NXPE4: variants seen among roughly 807,000 people sequenced by gnomAD.
NXPE4 encodes NXPE family member 4.
A neutral mutation model predicts 33.3 loss-of-function variants in NXPE4; 42 were observed. That is an observed-to-expected ratio of 1.26 (90% CI 0.98 to 1.63). The LOEUF (loss-of-function observed/expected upper bound fraction) is 1.63. Among genes scored for constraint, NXPE4 ranks in the 40% most tolerant of loss-of-function variants. The pLI is 0.00. For synonymous variants in NXPE4, 253 were observed against 234.9 expected, an observed-to-expected ratio of 1.08 and a Z score of -0.71; for missense variants, 709 against 647.6, an observed-to-expected ratio of 1.09 and a Z score of -1.03.
chr11:114,597,082 A>G (rs1276553820), upstream of NXPE4, among the ~76,000 whole-genome samples: 1 of 147,442 alleles, frequency 6.8e-6, no homozygotes, highest in Non-Finnish European at 1.5e-5. Context: ...AAGTCTTTAT[A>G]CCATGTGTGA....
the NXPE4 span, among the ~76,000 whole-genome samples, chr11:114,648,275 C>T: frequency 1.3e-5 from 2 of 152,002 alleles, no homozygotes; most frequent in African/African-American, 4.8e-5. Context: ...ACCAGGAGAG[C>T]CAATGGTGTA....
At chr11:114,677,398 A>G in the NXPE4 span, among the ~76,000 whole-genome samples, 1 of 152,068 alleles carries the variant, frequency 6.6e-6, no homozygotes, top group African/African-American at 2.4e-5. Context: ...AAACACATAC[A>G]TTTTTTATTT....
chr11:114,611,251 T>C, the NXPE4 span, among the ~76,000 whole-genome samples: 1 of 151,804 alleles, frequency 6.6e-6, no homozygotes, highest in Non-Finnish European at 1.5e-5. Flanking sequence ...TAATAGGTAT[T>C]GCTTCTAGGG....
chr11:114,599,261 G>A (rs2886654), upstream of NXPE4, among the ~76,000 whole-genome samples: 37,488 of 151,942 alleles, frequency 0.25, 5,553 homozygotes, highest in Middle Eastern at 0.35. Flanking sequence ...CCTTTACTCC[G>A]ATTCCCAGTA....
chr11:114,660,277 C>A, the NXPE4 span, among the ~76,000 whole-genome samples: 3 of 151,896 alleles, frequency 2.0e-5, no homozygotes, highest in Non-Finnish European at 4.4e-5. Context: ...AAAATAGAAG[C>A]ACTTTGCAAT....
At position 114,583,015 on chromosome 11, in the gene NXPE4, A is replaced by G. The variant is rs761351977; in HGVS notation, c.103T>C (p.Ser35Pro). The change falls in exon 3 of 6, where the codon TCT becomes CCT. Residue 35 changes from serine (S) to proline (P), a missense_variant. Transcript: ENST00000375478. ...TVFQNSTKVW[S>P]ALNLSISLHY... ...AGGGAGATGGATAAGTTTAGAGCAG[A>G]CCAAACCTGAAATGACAGCAAATGT... 2.7e-5 allele frequency: 44 copies of G among 1,605,856 alleles called. No homozygotes were observed. The highest frequency in any genetic ancestry group is 1.0e-4 in the South Asian group (9 of 90,276).
At chr11:114,666,947 A>G in the NXPE4 span, among the ~76,000 whole-genome samples, 3 of 152,136 alleles carry the variant, frequency 2.0e-5, no homozygotes, top group Non-Finnish European at 4.4e-5. Context: ...ACACATCCAC[A>G]CACATATGTC....
At chr11:114,617,991 C>T in the NXPE4 span, among the ~76,000 whole-genome samples, 5 of 151,976 alleles carry the variant, frequency 3.3e-5, no homozygotes, top group African/African-American at 9.6e-5. Context: ...AGTGTTGCCT[C>T]GTGGGTAACC....
At chr11:114,669,790 A>C in the NXPE4 span, among the ~76,000 whole-genome samples, 2 of 152,090 alleles carry the variant, frequency 1.3e-5, no homozygotes, top group African/African-American at 2.4e-5. Flanking sequence ...AGTCCTAAAA[A>C]AAACTCTTCC....
chr11:114,592,514 A>AACACACAC (rs144805587), intron 2 of NXPE4, among the ~76,000 whole-genome samples: 6 of 151,084 alleles, frequency 4.0e-5, no homozygotes, highest in African/African-American at 1.5e-4. Flanking sequence ...GAAATTGGAG[A>AACACACAC]ACACACACAC....
chr11:114,598,080 A>C (rs1260900290), upstream of NXPE4, among the ~76,000 whole-genome samples: 1 of 152,170 alleles, frequency 6.6e-6, no homozygotes, highest in Non-Finnish European at 1.5e-5. Context: ...GCATTGGGTA[A>C]ATGTAAAAAA....
chr11:114,572,367 G>T (rs1451072357), intron 5 of NXPE4, among the ~76,000 whole-genome samples: 6 of 152,068 alleles, frequency 3.9e-5, no homozygotes, highest in South Asian at 4.1e-4. Context: ...AAACCAAGAA[G>T]AAATCTCTGA....
At chr11:114,643,731 G>C in the NXPE4 span, among the ~76,000 whole-genome samples, 3 of 151,692 alleles carry the variant, frequency 2.0e-5, no homozygotes, top group African/African-American at 7.3e-5. Context: ...AGATTGTCTT[G>C]GCTATATGGG....
the NXPE4 span, among the ~76,000 whole-genome samples, chr11:114,631,837 C>G: frequency 1.3e-5 from 2 of 150,318 alleles, no homozygotes; most frequent in Non-Finnish European, 3.0e-5. Flanking sequence ...ACCGATGTTA[C>G]CCGGTGGATA....
At chr11:114,645,679 G>A in the NXPE4 span, among the ~76,000 whole-genome samples, 5 of 151,916 alleles carry the variant, frequency 3.3e-5, no homozygotes, top group African/African-American at 7.3e-5. Context: ...TAAAGGGAAA[G>A]AAAACCCAAA....
the NXPE4 span, among the ~76,000 whole-genome samples, chr11:114,624,973 TAGTA>T: frequency 6.6e-6 from 1 of 151,726 alleles, no homozygotes; most frequent in African/African-American, 2.4e-5. Context: ...ACCTTGTGGA[TAGTA>T]AGTGTTGCCT....
upstream of NXPE4, among the ~76,000 whole-genome samples, chr11:114,596,144 G>A (rs569674661): frequency 1.3e-5 from 2 of 152,248 alleles, no homozygotes; most frequent in African/African-American, 4.8e-5. Flanking sequence ...ATTCAAGTGC[G>A]TATTATCTCA....
At chr11:114,639,408 C>G in the NXPE4 span, among the ~76,000 whole-genome samples, 6 of 151,864 alleles carry the variant, frequency 4.0e-5, no homozygotes, top group African/African-American at 1.5e-4. Context: ...CTCCCTGACC[C>G]CTTGCGCTTC....
At chr11:114,634,599 C>G in the NXPE4 span, among the ~76,000 whole-genome samples, 1 of 151,946 alleles carries the variant, frequency 6.6e-6, no homozygotes, top group Non-Finnish European at 1.5e-5. Flanking sequence ...GGTTTTAGGT[C>G]TAACATTTAA....
Sources: allele counts gnomAD v4.1 joint callset (sites outside exome capture counted in the v4.1 genomes callset), GRCh38; gene constraint gnomAD v4.1.1; transcripts MANE v1.5; gene names NCBI Gene and HGNC (gene_info 2026-07-23, HGNC 2026-07-21).